MYO16: variants seen among roughly 807,000 people sequenced by gnomAD.
MYO16 encodes myosin XVI, also known as unconventional myosin-XVI.
Under a neutral mutation model 205.3 loss-of-function variants are expected in MYO16, and 94 were observed. The observed-to-expected ratio is 0.46, with a 90% confidence interval of 0.39 to 0.54. MYO16 has a LOEUF of 0.54. Ranked by LOEUF, MYO16 falls within the 20% of genes least tolerant of loss-of-function variation. MYO16 has a pLI of 0.00. For missense variants in MYO16, 2,315 were observed against 2,387.5 expected (o/e 0.97, Z 0.63); for synonymous variants, 988 against 954.0 (o/e 1.04, Z -0.66).
At chr13:108,643,109 G>A (rs150582292) in intron 1 of MYO16, among the ~76,000 whole-genome samples, 1 of 152,256 alleles carries the variant, frequency 6.6e-6, no homozygotes, top group East Asian at 1.9e-4. Context: ...TGAACATATA[G>A]AATATTTTTC....
rs373716944 is a variant in MYO16, at chr13:109,019,307, G to A, written c.2596-404G>A. Reference sequence around the variant, plus strand: ...CATAATTTTTATGACTTAACATCACGATAAGCTTTATTTTTTGATAAGTTT... The same window carrying A: ...CATAATTTTTATGACTTAACATCACAATAAGCTTTATTTTTTGATAAGTTT... On this transcript the variant is annotated intron_variant, in intron 22 of 34. Coordinates refer to ENST00000457511, the MANE Select transcript of MYO16 (RefSeq NM_001198950.3). Among the ~76,000 whole-genome samples the A allele has an allele frequency of 1.7e-3, 255 of 152,098 alleles. 10 individuals carry two copies. In the South Asian group the frequency reaches 0.05, roughly 30 times the overall value.
intron 27 of MYO16, among the ~76,000 whole-genome samples, chr13:109,080,470 C>CT (rs1888249456): frequency 6.6e-6 from 1 of 151,860 alleles, no homozygotes; most frequent in Non-Finnish European, 1.5e-5. Context: ...GACTTTTATT[C>CT]TTTTTCTTAG....
chr13:108,812,759 G>C (rs1887333889), intron 7 of MYO16, among the ~76,000 whole-genome samples: 1 of 151,940 alleles, frequency 6.6e-6, no homozygotes, highest in African/African-American at 2.4e-5. Flanking sequence ...AGGTCATGAG[G>C]GTTTCACCCT....
Position 108,972,249 on chromosome 13 carries a change from C to CTCTCTCTATA in MYO16, c.2369+7348_2369+7349insCTCTCTATAT, listed in dbSNP as rs1178345437. ...TCTCTCTCTCTCTCTCTCTCTCTCT[C>CTCTCTCTATA]TATATATATATATATATATATATAT... On this transcript the variant is annotated intron_variant, in intron 20 of 34. Transcript: ENST00000457511. 2.1e-3 allele frequency among the ~76,000 whole-genome samples: 6 copies of CTCTCTCTATA among 2,848 alleles called. 1 individual carries two copies. Among genetic ancestry groups the CTCTCTCTATA allele is most frequent in the Non-Finnish European group, 2.4e-3 (4 of 1,696 alleles). 1.9% of individuals were successfully genotyped at this position (2,848 alleles called of 152,430 possible).
chr13:108,762,752 C>T (rs1051693637), intron 4 of MYO16, among the ~76,000 whole-genome samples: 4 of 152,126 alleles, frequency 2.6e-5, no homozygotes, highest in Non-Finnish European at 5.9e-5. Context: ...GGGATCTTGT[C>T]CTGTTACCTC....
At chr13:108,777,149 C>G (rs1408058671) in intron 4 of MYO16, among the ~76,000 whole-genome samples, 1 of 152,004 alleles carries the variant, frequency 6.6e-6, no homozygotes, top group Admixed American at 6.6e-5. Context: ...TAAGAATTTG[C>G]CCTAGGCCGT....
At chr13:109,027,345 G>A (rs1594483521) in intron 23 of MYO16, among the ~76,000 whole-genome samples, 2 of 152,292 alleles carry the variant, frequency 1.3e-5, no homozygotes, top group South Asian at 4.2e-4. Flanking sequence ...TGCCAAATAA[G>A]GTCATATTCT....
At chr13:108,899,971 G>A (rs1880628293) in intron 15 of MYO16, among the ~76,000 whole-genome samples, 1 of 152,204 alleles carries the variant, frequency 6.6e-6, no homozygotes, top group Admixed American at 6.5e-5. Flanking sequence ...AGCTCTGAGA[G>A]CTGAAAGCAG....
At chr13:108,551,533 C>A in the MYO16 span, among the ~76,000 whole-genome samples, 1 of 152,172 alleles carries the variant, frequency 6.6e-6, no homozygotes, top group South Asian at 2.1e-4. Flanking sequence ...TTGAATTGTG[C>A]AGTCCTATCT....
At chr13:108,679,023 TC>T (rs1243232179) in intron 2 of MYO16, among the ~76,000 whole-genome samples, 6 of 152,108 alleles carry the variant, frequency 3.9e-5, no homozygotes, top group Middle Eastern at 3.4e-3. Context: ...AAAGCATGAA[TC>T]CCATTGATGA....
At position 108,768,757 on chromosome 13, in the gene MYO16, C is replaced by T. The variant is rs756127963; in HGVS notation, c.508-16878C>T. ...GAAAATGAAGTTAAATTATATTCGT[C>T]TTATGGTTTATAATGTCTGAACACT... On this transcript the variant is annotated intron_variant, in intron 4 of 34. Coordinates refer to ENST00000457511, the MANE Select transcript of MYO16 (RefSeq NM_001198950.3). Among the ~76,000 whole-genome samples, 51 of 152,094 alleles carry T rather than the reference C, an allele frequency of 3.4e-4. 1 individual carries two copies. Among genetic ancestry groups the T allele is most frequent in the Non-Finnish European group, 1.2e-4 (8 of 68,018 alleles).
chr13:108,840,646 T>G (rs1877196572), intron 9 of MYO16, among the ~76,000 whole-genome samples: 1 of 152,122 alleles, frequency 6.6e-6, no homozygotes, highest in Admixed American at 6.6e-5. Context: ...CAAGTGATCC[T>G]CCCACCTCAG....
At chr13:108,743,368 A>G (rs899269282) in intron 4 of MYO16, among the ~76,000 whole-genome samples, 10 of 152,232 alleles carry the variant, frequency 6.6e-5, no homozygotes, top group Admixed American at 1.3e-4. Flanking sequence ...ATACTAGAGA[A>G]CTAAAGGACA....
At position 108,856,204 on chromosome 13, in the gene MYO16, T is replaced by C. The variant is rs557926240; in HGVS notation, c.1359+651T>C. On this transcript the variant is annotated intron_variant, in intron 11 of 34. Coordinates refer to ENST00000457511, the MANE Select transcript of MYO16 (RefSeq NM_001198950.3). ...TCAATCTCTTTCTCTTTCTCTTTCT[T>C]TTTCTCTTCCACTCTCTGATTTTGT... is the stretch of plus-strand genomic sequence containing the variant. Among the ~76,000 whole-genome samples, 189 of 152,294 alleles carry C rather than the reference T, an allele frequency of 1.2e-3. 1 individual carries two copies. Among genetic ancestry groups the C allele is most frequent in the African/African-American group, 4.2e-3 (173 of 41,572 alleles).
At chr13:108,880,576 C>T (rs928306626) in intron 12 of MYO16, among the ~76,000 whole-genome samples, 1 of 152,188 alleles carries the variant, frequency 6.6e-6, no homozygotes, top group Admixed American at 6.5e-5. Flanking sequence ...CAGCTTTCTA[C>T]ATATGGCTAG....
intron 4 of MYO16, among the ~76,000 whole-genome samples, chr13:108,755,553 C>CAAAAAAAAAAAA (rs200190650): frequency 7.3e-6 from 1 of 136,730 alleles, no homozygotes; most frequent in Non-Finnish European, 1.6e-5. Context: ...CTTCAAATTG[C>CAAAAAAAAAAAA]AAAAAAAAAA....
intron 15 of MYO16, among the ~76,000 whole-genome samples, chr13:108,899,194 C>T (rs144005668): frequency 5.8e-4 from 89 of 152,142 alleles, no homozygotes; most frequent in African/African-American, 1.8e-3. Flanking sequence ...GAGGCCGAGG[C>T]GGGTGGATTT....
At chr13:109,062,334 A>C (rs1013953824) in intron 27 of MYO16, among the ~76,000 whole-genome samples, 4 of 152,180 alleles carry the variant, frequency 2.6e-5, no homozygotes, top group African/African-American at 9.6e-5. Context: ...TTTCAAAATG[A>C]ACTTGGCATT....
intron 1 of MYO16, among the ~76,000 whole-genome samples, chr13:108,632,078 CAAAAA>C (rs59971095): frequency 1.5e-5 from 1 of 67,248 alleles, no homozygotes; most frequent in African/African-American, 6.1e-5. Flanking sequence ...AACCCCAACT[CAAAAA>C]AAAAAAAAAA....
Sources: allele counts gnomAD v4.1 joint callset (sites outside exome capture counted in the v4.1 genomes callset), GRCh38; gene constraint gnomAD v4.1.1; transcripts MANE v1.5; gene names NCBI Gene and HGNC (gene_info 2026-07-23, HGNC 2026-07-21).